USP32: variants seen among roughly 807,000 people sequenced by gnomAD.
The protein encoded by USP32 is ubiquitin carboxyl-terminal hydrolase 32.
USP32 carries 59 observed loss-of-function variants against 204.8 expected under a neutral mutation model. That is an observed-to-expected ratio of 0.29 (90% confidence interval 0.23 to 0.36). USP32 has a LOEUF of 0.36. Among genes scored for constraint, USP32 ranks in the 10% least tolerant of loss-of-function variants. The probability of loss-of-function intolerance (pLI) is 1.00; values close to 1 mark genes in which losing one functional copy is unlikely to be tolerated. For synonymous variants in USP32, 517 were observed against 678.4 expected (o/e 0.76, Z 3.70); for missense variants, 1,160 against 1,946.4 (o/e 0.60, Z 7.60).
intron 11 of USP32, among the ~76,000 whole-genome samples, chr17:60,239,725 A>G (rs9893983): frequency 0.016 from 2,359 of 151,758 alleles, 60 homozygotes; most frequent in African/African-American, 0.055. Flanking sequence ...GGTTTCATTT[A>G]TTTATTTCTT....
intron 31 of USP32, among the ~76,000 whole-genome samples, chr17:60,182,106 C>T (rs1043314266): frequency 4.6e-5 from 7 of 152,036 alleles, no homozygotes; most frequent in African/African-American, 1.7e-4. Context: ...AAAATGTGAC[C>T]ACCATTTACT....
At chr17:60,229,362 T>C (rs952512730) in intron 12 of USP32, among the ~76,000 whole-genome samples, 1 of 152,172 alleles carries the variant, frequency 6.6e-6, no homozygotes, top group African/African-American at 2.4e-5. Context: ...ATTTTTAAAG[T>C]TCTCTATGTG....
intron 29 of USP32, among the ~76,000 whole-genome samples, chr17:60,186,124 A>G (rs2145380823): frequency 6.6e-6 from 1 of 152,348 alleles, no homozygotes; most frequent in East Asian, 1.9e-4. Context: ...ATTTATTCAC[A>G]AATGTTACAT....
chr17:60,340,254 A>G (rs923803097), intron 2 of USP32, among the ~76,000 whole-genome samples: 3 of 152,090 alleles, frequency 2.0e-5, no homozygotes, highest in Non-Finnish European at 4.4e-5. Flanking sequence ...GAGTCTATCC[A>G]CCCACTAAAA....
intron 5 of USP32, among the ~76,000 whole-genome samples, chr17:60,276,606 T>A (rs1308726435): frequency 1.3e-5 from 2 of 152,172 alleles, no homozygotes; most frequent in Non-Finnish European, 2.9e-5. Context: ...ATTGAGAATA[T>A]AATAGGTGTT....
At chr17:60,340,675 G>A (rs1260849498) in intron 2 of USP32, among the ~76,000 whole-genome samples, 1 of 152,136 alleles carries the variant, frequency 6.6e-6, no homozygotes, top group Admixed American at 6.6e-5. Flanking sequence ...TTACATTTAA[G>A]GTTAATATTG....
At chr17:60,223,797 T>G (rs1002103139) in intron 13 of USP32, among the ~76,000 whole-genome samples, 1 of 152,192 alleles carries the variant, frequency 6.6e-6, no homozygotes, top group Non-Finnish European at 1.5e-5. Flanking sequence ...TTAAAATTAT[T>G]ACCAAATGAA....
chr17:60,187,482 T>C (rs2084279540), intron 29 of USP32, among the ~76,000 whole-genome samples: 1 of 152,212 alleles, frequency 6.6e-6, no homozygotes, highest in African/African-American at 2.4e-5. Context: ...ACGTGCTGCA[T>C]CATCGTTGTT....
At chr17:60,182,671 G>A (rs2084141733) in intron 31 of USP32, among the ~76,000 whole-genome samples, 1 of 152,106 alleles carries the variant, frequency 6.6e-6, no homozygotes, top group Non-Finnish European at 1.5e-5. Flanking sequence ...GCTGAGGTGG[G>A]AGGATTGATT....
At chr17:60,285,921 G>A (rs886816050) in intron 5 of USP32, among the ~76,000 whole-genome samples, 5 of 152,054 alleles carry the variant, frequency 3.3e-5, no homozygotes, top group Non-Finnish European at 7.4e-5. Flanking sequence ...TGGATCACCT[G>A]AGGTCAGGAG....
At chr17:60,262,725 T>C (rs1248111537) in intron 9 of USP32, among the ~76,000 whole-genome samples, 2 of 152,170 alleles carry the variant, frequency 1.3e-5, no homozygotes, top group Non-Finnish European at 2.9e-5. Flanking sequence ...TATTTGCAGT[T>C]CTAGGACTAC....
At chr17:60,330,453 C>T (rs941454976) in intron 2 of USP32, among the ~76,000 whole-genome samples, 1 of 149,624 alleles carries the variant, frequency 6.7e-6, no homozygotes, top group Admixed American at 6.7e-5. Context: ...CTTTTCTTTT[C>T]TTCCTTCCTT....
At chr17:60,264,881 A>AAGAG (rs1555604167) in intron 9 of USP32, among the ~76,000 whole-genome samples, 7 of 141,658 alleles carry the variant, frequency 4.9e-5, no homozygotes, top group Admixed American at 2.8e-4. Flanking sequence ...AAAAAAAAAA[A>AAGAG]AGAGAGAGAG....
At chr17:60,341,731 C>T (rs527519411) in intron 2 of USP32, among the ~76,000 whole-genome samples, 6 of 152,248 alleles carry the variant, frequency 3.9e-5, no homozygotes, top group African/African-American at 9.6e-5. Flanking sequence ...GAAGTTCTCG[C>T]GCCATGGTTT....
chr17:60,343,083 A>G (rs1033825177), intron 2 of USP32, among the ~76,000 whole-genome samples: 2 of 152,186 alleles, frequency 1.3e-5, no homozygotes, highest in African/African-American at 4.8e-5. Flanking sequence ...AAAGGGATCA[A>G]TTCAACAAGA....
chr17:60,228,836 G>GTT (rs72054770), intron 12 of USP32, among the ~76,000 whole-genome samples: 3,096 of 141,630 alleles, frequency 0.022, 128 homozygotes, highest in African/African-American at 0.075. Context: ...TTTTGTTTTT[G>GTT]TTTTTTTTTT....
At chr17:60,223,688 A>T in intron 13 of USP32, 102 bp from the exon 14 acceptor site, 1 of 930,518 alleles carries the variant, frequency 1.1e-6, no homozygotes, top group Non-Finnish European at 1.6e-6. Context: ...TACTCTGTTG[A>T]CATGTCAGTA....
At chr17:60,180,865 T>C (rs1412735824) in intron 32 of USP32, among the ~76,000 whole-genome samples, 1 of 136,610 alleles carries the variant, frequency 7.3e-6, no homozygotes, top group Non-Finnish European at 1.5e-5. Context: ...TAATTGTAAT[T>C]ACTATTATTA....
chr17:60,229,690 T>G (rs2085492322), intron 12 of USP32, among the ~76,000 whole-genome samples: 1 of 152,244 alleles, frequency 6.6e-6, no homozygotes. Flanking sequence ...ACTTTAGTTT[T>G]GCTATAAGTG....
Sources: gnomAD v4.1 joint callset for allele counts (sites outside exome capture counted in the v4.1 genomes callset) on GRCh38, gnomAD v4.1.1 for gene constraint, MANE v1.5 for transcripts, NCBI Gene and HGNC (gene_info 2026-07-23, HGNC 2026-07-21) for gene names.